Variants in PPP3CC observed in about 807,000 individuals in gnomAD.
PPP3CC encodes protein phosphatase 3 catalytic subunit gamma, also known as serine/threonine-protein phosphatase 2B catalytic subunit gamma isoform.
PPP3CC carries 35 observed loss-of-function variants against 60.3 expected under a neutral mutation model. The ratio of observed to expected loss-of-function variants is 0.58; its 90% CI spans 0.44 to 0.77. PPP3CC has a LOEUF of 0.77. PPP3CC is among the 30% of genes least tolerant of loss of function. The pLI, the probability that PPP3CC is intolerant of heterozygous loss-of-function variation, is 0.00. For missense variants in PPP3CC, 570 were observed against 628.9 expected (o/e 0.91, Z 1.00); for synonymous variants, 206 against 224.3 (o/e 0.92, Z 0.73).
At chr8:22,513,582 T>C (rs1457645373) in intron 6 of PPP3CC, 150 bp downstream of exon 6, 2 of 900,676 alleles carry the variant, frequency 2.2e-6, no homozygotes, top group East Asian at 5.9e-5. Context: ...CTTGTTTGTT[T>C]GTTGGCTTTT....
intron 1 of PPP3CC, 132 bp from the exon 2 acceptor site, chr8:22,474,822 C>G: frequency 2.1e-6 from 1 of 467,790 alleles, no homozygotes; most frequent in Non-Finnish European, 3.4e-6. Flanking sequence ...AGAATTTTTT[C>G]CCCACGTACT....
chr8:22,513,942 G>C (rs1839165098), intron 6 of PPP3CC, among the ~76,000 whole-genome samples: 1 of 152,106 alleles, frequency 6.6e-6, no homozygotes, highest in Non-Finnish European at 1.5e-5. Flanking sequence ...ATTATGATTA[G>C]ACACTCAAAA....
At chr8:22,530,559 A>G (rs1839680559) in intron 10 of PPP3CC, among the ~76,000 whole-genome samples, 1 of 151,906 alleles carries the variant, frequency 6.6e-6, no homozygotes, top group Non-Finnish European at 1.5e-5. Context: ...TGGGCCGGGC[A>G]TAGTGGCTCA....
chr8:22,457,118 CCT>C (rs1477058161), intron 1 of PPP3CC, among the ~76,000 whole-genome samples: 4 of 146,282 alleles, frequency 2.7e-5, no homozygotes, highest in African/African-American at 1.0e-4. Context: ...CATCCCTTCC[CCT>C]CTCTCAATAT....
chr8:22,497,922 A>G, intron 3 of PPP3CC, 79 bp from the exon 4 acceptor site: 2 of 886,346 alleles, frequency 2.3e-6, no homozygotes, highest in Non-Finnish European at 3.5e-6. Context: ...CATTACAGCA[A>G]GTCATTTGAA....
chr8:22,448,601 G>A (rs529539462), intron 1 of PPP3CC, among the ~76,000 whole-genome samples: 2 of 152,008 alleles, frequency 1.3e-5, no homozygotes, highest in Admixed American at 1.3e-4. Flanking sequence ...CTGGTCTCGA[G>A]CTCCCGACCT....
At chr8:22,510,200 AAG>A (rs1554540000) in intron 4 of PPP3CC, among the ~76,000 whole-genome samples, 1 of 148,364 alleles carries the variant, frequency 6.7e-6, no homozygotes, top group African/African-American at 2.5e-5. Context: ...AAAAAAAAAA[AAG>A]AGGCCTCACT....
intron 1 of PPP3CC, among the ~76,000 whole-genome samples, chr8:22,455,565 G>A (rs1157314179): frequency 1.3e-5 from 2 of 152,208 alleles, no homozygotes; most frequent in Non-Finnish European, 2.9e-5. Flanking sequence ...AATAAAGATA[G>A]TTGGTGGGCT....
intron 4 of PPP3CC, among the ~76,000 whole-genome samples, chr8:22,509,805 T>C (rs1275569070): frequency 6.6e-6 from 1 of 152,044 alleles, no homozygotes; most frequent in African/African-American, 2.4e-5. Flanking sequence ...GGGCTCAATC[T>C]ATCCTCCCAC....
At chr8:22,464,294 A>T (rs1480882068) in intron 1 of PPP3CC, among the ~76,000 whole-genome samples, 6 of 152,188 alleles carry the variant, frequency 3.9e-5, no homozygotes, top group Non-Finnish European at 8.8e-5. Flanking sequence ...AATAAAGTAA[A>T]GGACTAAAGC....
intron 12 of PPP3CC, among the ~76,000 whole-genome samples, chr8:22,537,570 A>C (rs1839871826): frequency 6.6e-6 from 1 of 152,210 alleles, no homozygotes; most frequent in Admixed American, 6.5e-5. Context: ...ATACCCCACA[A>C]AGAAATGAAA....
At chr8:22,455,319 C>G (rs1029482652) in intron 1 of PPP3CC, among the ~76,000 whole-genome samples, 3 of 152,220 alleles carry the variant, frequency 2.0e-5, no homozygotes, top group African/African-American at 7.2e-5. Flanking sequence ...TGACCTATGA[C>G]TAATCCCACT....
intron 1 of PPP3CC, among the ~76,000 whole-genome samples, chr8:22,450,360 G>A (rs1836974771): frequency 6.6e-6 from 1 of 151,972 alleles, no homozygotes; most frequent in African/African-American, 2.4e-5. Flanking sequence ...AATGAGTAGA[G>A]GAGAAAAAAA....
At chr8:22,532,118 T>G in intron 10 of PPP3CC, 107 bp from the exon 11 acceptor site, 1 of 773,852 alleles carries the variant, frequency 1.3e-6, no homozygotes. Flanking sequence ...TCATTTCTGT[T>G]TTTTAAAAAC....
chr8:22,539,743 C>T (rs185354180), intron 13 of PPP3CC, among the ~76,000 whole-genome samples: 14 of 152,262 alleles, frequency 9.2e-5, no homozygotes, highest in South Asian at 2.1e-4. Flanking sequence ...TTTAATGCAA[C>T]GGCAGAAGCT....
intron 6 of PPP3CC, among the ~76,000 whole-genome samples, chr8:22,522,111 G>A (rs534638853): frequency 6.8e-6 from 1 of 147,460 alleles, no homozygotes; most frequent in South Asian, 2.2e-4. Context: ...AGTATGTGTT[G>A]AATTTTTAGC....
intron 12 of PPP3CC, among the ~76,000 whole-genome samples, chr8:22,538,207 T>C (rs1048323981): frequency 1.3e-5 from 2 of 152,210 alleles, no homozygotes; most frequent in Admixed American, 6.5e-5. Context: ...GGTAATATCA[T>C]ACACATTTTA....
At chr8:22,468,306 T>C (rs1837610334) in intron 1 of PPP3CC, among the ~76,000 whole-genome samples, 1 of 152,070 alleles carries the variant, frequency 6.6e-6, no homozygotes, top group Non-Finnish European at 1.5e-5. Context: ...AGTGTCACCA[T>C]GTTGGCCAGG....
intron 6 of PPP3CC, among the ~76,000 whole-genome samples, chr8:22,519,906 T>C (rs563088967): frequency 1.6e-4 from 23 of 144,520 alleles, no homozygotes; most frequent in African/African-American, 5.8e-4. Context: ...TCTGCCTTCC[T>C]CAGCTTCCCA....
Sources: allele counts gnomAD v4.1 joint callset (sites outside exome capture counted in the v4.1 genomes callset), GRCh38; gene constraint gnomAD v4.1.1; transcripts MANE v1.5; gene names NCBI Gene and HGNC (gene_info 2026-07-23, HGNC 2026-07-21).